HSD11B1: variants seen among roughly 807,000 people sequenced by gnomAD.
HSD11B1 encodes the protein hydroxysteroid 11-beta dehydrogenase 1.
A neutral mutation model predicts 22.1 loss-of-function variants in HSD11B1; 15 were observed. The observed-to-expected ratio is 0.68, with a 90% confidence interval of 0.45 to 1.04. The LOEUF (loss-of-function observed/expected upper bound fraction) is 1.04, where lower values mean the gene tolerates loss of function less well. HSD11B1 is among the 50% of genes least tolerant of loss of function. HSD11B1 has a pLI of 0.00. For missense variants in HSD11B1, 281 were observed against 357.6 expected, an observed-to-expected ratio of 0.79 and a Z score of 1.73; for synonymous variants, 122 against 125.2, an observed-to-expected ratio of 0.97 and a Z score of 0.17.
In HSD11B1 at chr1:209,729,252, G is replaced by A. The variant is rs180699832; in HGVS notation, c.518-3184G>A. On this transcript the variant is annotated intron_variant, in intron 4 of 5. Coordinates refer to ENST00000367027, the MANE Select transcript of HSD11B1 (RefSeq NM_005525.4). ...CTCAAACCTGTAATCCCAGCTACTCGGGAGGTTGAGGCAGAAGAATCACTA... is the reference window on the plus strand; with the variant it reads ...CTCAAACCTGTAATCCCAGCTACTCAGGAGGTTGAGGCAGAAGAATCACTA... Among the ~76,000 whole-genome samples, 7 of 152,066 alleles carry A rather than the reference G, an allele frequency of 4.6e-5. No individual in the cohort carries two copies. In the East Asian group the frequency reaches 7.7e-4, roughly 17 times the overall value.
rs140567833 is a variant in HSD11B1, at chr1:209,719,375, G to T, written c.517+12247G>T. Among the ~76,000 whole-genome samples the T allele has an allele frequency of 4.0e-3, 610 of 152,310 alleles. 3 individuals are homozygous for T. The highest frequency in any genetic ancestry group is 0.014 in the African/African-American group (583 of 41,562). ...ATTCCACTTACGTGAAGTTCTTAGA[G>T]TGGTGAAAGTTATACAAAGTTGAAA... On this transcript the variant is annotated intron_variant, in intron 4 of 5. Coordinates refer to ENST00000367027, the MANE Select transcript of HSD11B1 (RefSeq NM_005525.4).
At chr1:209,707,163 G>GA (rs58182526) in intron 4 of HSD11B1, 35 bp downstream of exon 4, 13,956 of 1,285,214 alleles carry the variant, frequency 0.011, no homozygotes, top group Middle Eastern at 0.019. Flanking sequence ...GAAGGTAGAA[G>GA]AAAAAAAAAA....
At chr1:209,697,804 G>A (rs562413429) in intron 1 of HSD11B1, among the ~76,000 whole-genome samples, 2 of 143,884 alleles carry the variant, frequency 1.4e-5, no homozygotes, top group East Asian at 4.3e-4. Flanking sequence ...CCACTTCTAA[G>A]CTTTTCAAAT....
chr1:209,699,534 G>A (rs992537571), intron 1 of HSD11B1, among the ~76,000 whole-genome samples: 5 of 151,996 alleles, frequency 3.3e-5, no homozygotes, highest in East Asian at 3.9e-4. Context: ...CCCCCAACAC[G>A]TGGGAATTCT....
chr1:209,715,781 C>A (rs2102382847), intron 4 of HSD11B1, among the ~76,000 whole-genome samples: 1 of 152,250 alleles, frequency 6.6e-6, no homozygotes, highest in Middle Eastern at 3.4e-3. Context: ...TAGAAAATCA[C>A]CATTTGGTAA....
chr1:209,714,684 C>A (rs934462051), intron 4 of HSD11B1, among the ~76,000 whole-genome samples: 1 of 152,048 alleles, frequency 6.6e-6, no homozygotes, highest in Non-Finnish European at 1.5e-5. Flanking sequence ...GATGCATTGT[C>A]GAGCATTTTT....
intron 4 of HSD11B1, among the ~76,000 whole-genome samples, chr1:209,720,136 C>T (rs564235269): frequency 5.3e-5 from 8 of 151,774 alleles, no homozygotes; most frequent in African/African-American, 1.2e-4. Context: ...AAGTACCACC[C>T]GAAAAACAAA....
intron 1 of HSD11B1, among the ~76,000 whole-genome samples, chr1:209,689,676 A>C (rs1343911692): frequency 6.6e-6 from 1 of 152,148 alleles, no homozygotes; most frequent in Non-Finnish European, 1.5e-5. Context: ...CTCTCTTGCC[A>C]TGTGATGTCT....
At chr1:209,731,894 A>G (rs2077037947) in intron 4 of HSD11B1, among the ~76,000 whole-genome samples, 1 of 152,210 alleles carries the variant, frequency 6.6e-6, no homozygotes, top group Admixed American at 6.5e-5. Flanking sequence ...TTTAGTAGAG[A>G]TGGGGTTTCA....
intron 1 of HSD11B1, among the ~76,000 whole-genome samples, chr1:209,689,520 G>A (rs1479076597): frequency 6.6e-6 from 1 of 152,230 alleles, no homozygotes; most frequent in Non-Finnish European, 1.5e-5. Context: ...CCCAAGGTTG[G>A]AAGTGGGGCC....
In HSD11B1 at chr1:209,718,551, C is replaced by T. The variant is rs564639817; in HGVS notation, c.517+11423C>T. ...CACAGCACTAGGATGGCTACTATCC[C>T]CCACACCCCCAAAAAACAGAAATAG... On this transcript the variant is annotated intron_variant, in intron 4 of 5. Coordinates refer to ENST00000367027, the MANE Select transcript of HSD11B1 (RefSeq NM_005525.4). Among the ~76,000 whole-genome samples the T allele has an allele frequency of 5.3e-5, 8 of 152,136 alleles. No individual in the cohort carries two copies. In the South Asian group the frequency reaches 1.7e-3, roughly 32 times the overall value.
intron 4 of HSD11B1, among the ~76,000 whole-genome samples, 176 bp downstream of exon 4, chr1:209,707,304 C>T (rs534474807): frequency 3.3e-5 from 5 of 152,048 alleles, no homozygotes; most frequent in Non-Finnish European, 7.4e-5. Context: ...AAAGCAGTAG[C>T]TCTGAGTGCT....
Position 209,706,014 on chromosome 1 carries a change from C to T in HSD11B1, c.219+73C>T. ...GTGTTCTTATATATGCTCACATATACACAGAAGCTAGCATATCGCAGATCT... is the reference window on the plus strand; with the variant it reads ...GTGTTCTTATATATGCTCACATATATACAGAAGCTAGCATATCGCAGATCT... On this transcript the variant is annotated intron_variant, in intron 2 of 5. Coordinates refer to ENST00000367027, the MANE Select transcript of HSD11B1 (RefSeq NM_005525.4). This position sits in a 1 kb window ranked among gnomAD's most constrained non-coding sequence, Gnocchi z 4.0. 1.3e-6 allele frequency: 2 copies of T among 1,573,386 alleles called. No homozygotes were observed. The highest frequency in any genetic ancestry group is 1.1e-5 in the South Asian group (1 of 90,000).
chr1:209,706,567 C>T lies in HSD11B1; in HGVS notation c.220-142C>T. On this transcript the variant is annotated intron_variant, in intron 2 of 5. Coordinates refer to ENST00000367027, the MANE Select transcript of HSD11B1 (RefSeq NM_005525.4). This position sits in a 1 kb window ranked among gnomAD's most constrained non-coding sequence, Gnocchi z 4.0. ...CGATGATCATGAGGGTTATATTAGG[C>T]AACACACACACAAACATACTTACCA... 2.7e-6 allele frequency: 2 copies of T among 745,540 alleles called. No individual in the cohort carries two copies. Among genetic ancestry groups the T allele is most frequent in the Non-Finnish European group, 4.9e-6 (2 of 406,608 alleles). The allele number at this position is 745,540 out of a possible 1,614,324, so 46.2% of individuals were successfully genotyped here.
Position 209,706,574 on chromosome 1 carries a change from C to T in HSD11B1, c.220-135C>T, listed in dbSNP as rs2076860295. 1 of 759,426 alleles carries T rather than the reference C, an allele frequency of 1.3e-6. No individual in the cohort carries two copies. The highest frequency in any genetic ancestry group is 2.4e-6 in the Non-Finnish European group (1 of 414,166). The allele number at this position is 759,426 out of a possible 1,614,324, so 47.0% of individuals were successfully genotyped here. On this transcript the variant is annotated intron_variant, in intron 2 of 5. Transcript: ENST00000367027. The surrounding 1 kb of genome is among the most constrained non-coding windows in gnomAD (Gnocchi z 4.0). ...CATGAGGGTTATATTAGGCAACACA[C>T]ACACAAACATACTTACCATTTCTTA...
intron 1 of HSD11B1, among the ~76,000 whole-genome samples, chr1:209,698,139 T>C (rs1470748569): frequency 6.6e-6 from 1 of 151,288 alleles, no homozygotes; most frequent in African/African-American, 2.4e-5. Flanking sequence ...ACAGCTTAGA[T>C]AGAGGATAGG....
chr1:209,698,999 G>A (rs1361590966), intron 1 of HSD11B1, among the ~76,000 whole-genome samples: 1 of 152,070 alleles, frequency 6.6e-6, no homozygotes, highest in Non-Finnish European at 1.5e-5. Flanking sequence ...CCAGATCCAC[G>A]ATTCCGTTAG....
At chr1:209,705,073 AAC>A in intron 1 of HSD11B1, 43 bp downstream of exon 1, 1 of 1,466,052 alleles carries the variant, frequency 6.8e-7, no homozygotes, top group Non-Finnish European at 9.6e-7. Flanking sequence ...AGGTTTAAAA[AAC>A]ACAGGGGTGC....
chr1:209,694,169 T>C (rs1310871397), intron 1 of HSD11B1, among the ~76,000 whole-genome samples: 1 of 152,230 alleles, frequency 6.6e-6, no homozygotes, highest in Non-Finnish European at 1.5e-5. Context: ...CTCCCAATTC[T>C]ATATCTTTAA....
Sources: allele counts gnomAD v4.1 joint callset (sites outside exome capture counted in the v4.1 genomes callset), GRCh38; gene constraint gnomAD v4.1.1; non-coding constraint Gnocchi (gnomAD v3.1); transcripts MANE v1.5; gene names NCBI Gene and HGNC (gene_info 2026-07-23, HGNC 2026-07-21).